The following COL4A2 variants were observed in gnomAD, a reference collection of about 807,000 sequenced individuals.
COL4A2 encodes collagen type IV alpha 2 chain.
A neutral mutation model predicts 200.2 loss-of-function variants in COL4A2; 99 were observed. The ratio of observed to expected loss-of-function variants is 0.49; its 90% CI spans 0.42 to 0.58. The LOEUF (loss-of-function observed/expected upper bound fraction) is 0.58. Among genes scored for constraint, COL4A2 ranks in the 20% least tolerant of loss-of-function variants. The pLI is 0.00. For missense variants in COL4A2, 1,950 were observed against 2,314.1 expected (o/e 0.84, Z 3.23); for synonymous variants, 897 against 900.6 (o/e 1.00, Z 0.07).
chr13:110,371,154 A>G (rs1053672130), intron 4 of COL4A2, among the ~76,000 whole-genome samples: 2 of 152,226 alleles, frequency 1.3e-5, no homozygotes, highest in African/African-American at 4.8e-5. Flanking sequence ...GCATTTATGG[A>G]GGACAAGGGT....
At chr13:110,505,955 C>T (rs1883847691) in intron 45 of COL4A2, among the ~76,000 whole-genome samples, 1 of 152,152 alleles carries the variant, frequency 6.6e-6, no homozygotes, top group African/African-American at 2.4e-5. Flanking sequence ...GCCCTCACTG[C>T]CATCATTTCA....
At chr13:110,385,351 C>A (rs112689415) in intron 4 of COL4A2, among the ~76,000 whole-genome samples, 4,695 of 152,236 alleles carry the variant, frequency 0.031, 237 homozygotes, top group African/African-American at 0.11. Flanking sequence ...AATCCTCATC[C>A]TGGACTTCTG....
chr13:110,452,771 A>G (rs1178815371), intron 20 of COL4A2, among the ~76,000 whole-genome samples: 2 of 151,604 alleles, frequency 1.3e-5, no homozygotes, highest in East Asian at 1.9e-4. Context: ...ATTTTATTTT[A>G]TTTTATTTTG....
At chr13:110,319,201 G>A (rs1885220119) in intron 3 of COL4A2, among the ~76,000 whole-genome samples, 1 of 152,144 alleles carries the variant, frequency 6.6e-6, no homozygotes, top group Non-Finnish European at 1.5e-5. Flanking sequence ...TGGCCGCTGA[G>A]TGAGAACTGG....
At chr13:110,349,298 C>G (rs557957011) in intron 3 of COL4A2, among the ~76,000 whole-genome samples, 1 of 152,144 alleles carries the variant, frequency 6.6e-6, no homozygotes, top group Non-Finnish European at 1.5e-5. Context: ...TTGAGATGGG[C>G]GATTCCTCAG....
intron 4 of COL4A2, among the ~76,000 whole-genome samples, chr13:110,401,039 C>G (rs961102155): frequency 6.6e-6 from 1 of 152,194 alleles, no homozygotes; most frequent in Non-Finnish European, 1.5e-5. Context: ...AACTTTTTTC[C>G]TAACCAGTGA....
chr13:110,347,964 G>A (rs1365828728), intron 3 of COL4A2, among the ~76,000 whole-genome samples: 3 of 152,250 alleles, frequency 2.0e-5, no homozygotes, highest in African/African-American at 7.2e-5. Context: ...GATGGGGAAT[G>A]ATCCCATTCC....
intron 3 of COL4A2, among the ~76,000 whole-genome samples, chr13:110,338,652 C>T (rs549228859): frequency 6.6e-6 from 1 of 152,358 alleles, no homozygotes; most frequent in Non-Finnish European, 1.5e-5. Flanking sequence ...GCAGCCAAGG[C>T]AATCCAGCCA....
At chr13:110,471,499 T>A (rs1323511266) in intron 28 of COL4A2, among the ~76,000 whole-genome samples, 3 of 152,130 alleles carry the variant, frequency 2.0e-5, no homozygotes, top group Admixed American at 2.0e-4. Flanking sequence ...ATTGCAAAAA[T>A]CAGAGAGTCT....
intron 36 of COL4A2, 27 bp downstream of exon 36, chr13:110,489,812 A>G (rs375960144): frequency 2.7e-4 from 430 of 1,593,628 alleles, no homozygotes; most frequent in Non-Finnish European, 3.4e-4. Flanking sequence ...CCTTGTCTTC[A>G]TCTTCAACAA....
At chr13:110,434,747 T>G (rs1880809447) in intron 12 of COL4A2, among the ~76,000 whole-genome samples, 2 of 152,258 alleles carry the variant, frequency 1.3e-5, no homozygotes, top group Admixed American at 1.3e-4. Context: ...GTGCATCTTC[T>G]CCTGTGTGGA....
intron 47 of COL4A2, among the ~76,000 whole-genome samples, chr13:110,511,178 CGTGCGCTTCCATA>C (rs1244483173): frequency 1.3e-5 from 2 of 151,218 alleles, no homozygotes; most frequent in African/African-American, 4.9e-5. Context: ...GGAGGCCTGC[CGTGCGCTTCCATA>C]AAGGCTAAAC....
chr13:110,510,477 T>G (rs1415423987), intron 47 of COL4A2, among the ~76,000 whole-genome samples: 1 of 149,234 alleles, frequency 6.7e-6, no homozygotes, highest in Non-Finnish European at 1.5e-5. Context: ...TCCAGGCAAT[T>G]CTCTTAAGAT....
intron 16 of COL4A2, among the ~76,000 whole-genome samples, chr13:110,444,378 G>A (rs1386519695): frequency 1.3e-5 from 2 of 152,222 alleles, no homozygotes; most frequent in African/African-American, 4.8e-5. Flanking sequence ...CCCACTGAGT[G>A]TCCAGCTGCC....
At chr13:110,465,628 T>A in intron 25 of COL4A2, 22 bp downstream of exon 25, 1 of 1,582,598 alleles carries the variant, frequency 6.3e-7, no homozygotes, top group Non-Finnish European at 8.6e-7. Flanking sequence ...TCCTCCCTTT[T>A]ACCTTTCACA....
chr13:110,437,052 A>T lies in COL4A2; in HGVS notation c.825+685A>T, dbSNP rs376272076. 6.2e-4 allele frequency among the ~76,000 whole-genome samples: 95 copies of T among 152,310 alleles called. 1 individual carries two copies. In the South Asian group the frequency reaches 0.015, roughly 24 times the overall value. On this transcript the variant is annotated intron_variant, in intron 13 of 47. Coordinates refer to ENST00000360467, the MANE Select transcript of COL4A2 (RefSeq NM_001846.4). ...ATGTCGGGCACGCAGAATATCTGGG[A>T]ACTAAAATAGAAACCCCAAACGGGG...
At chr13:110,418,298 AAT>A (rs1880122839) in intron 4 of COL4A2, among the ~76,000 whole-genome samples, 1 of 152,196 alleles carries the variant, frequency 6.6e-6, no homozygotes, top group African/African-American at 2.4e-5. Flanking sequence ...GTGTTTTGCA[AAT>A]ATGTCTCCCA....
At chr13:110,475,084 G>A (rs1427130358) in intron 29 of COL4A2, among the ~76,000 whole-genome samples, 1 of 152,216 alleles carries the variant, frequency 6.6e-6, no homozygotes, top group East Asian at 1.9e-4. Flanking sequence ...ATACACACAC[G>A]TGCCTATGCA....
At position 110,489,769 on chromosome 13, in the gene COL4A2, C is replaced by T. The variant is rs1369903153; in HGVS notation, c.3330C>T (p.Gly1110=). The change falls in exon 36 of 48, where the codon GGC becomes GGT. Residue 1110 remains glycine (G), a synonymous_variant. Transcript: ENST00000360467. ...GACCAGGCCTGAAGGGGGAGCGGGGCACCACTGGAATACCAGGTACGCAAG... is the reference window on the plus strand; with the variant it reads ...GACCAGGCCTGAAGGGGGAGCGGGGTACCACTGGAATACCAGGTACGCAAG... The part of the protein sequence containing the change: ...PGRPGLKGER[G]TTGIPGLKGF... The T allele has an allele frequency of 1.9e-6, 3 of 1,611,832 alleles. No homozygotes were observed. The highest frequency in any genetic ancestry group is 2.5e-6 in the Non-Finnish European group (3 of 1,179,318).
Sources: allele counts gnomAD v4.1 joint callset (sites outside exome capture counted in the v4.1 genomes callset), GRCh38; gene constraint gnomAD v4.1.1; transcripts MANE v1.5; gene names NCBI Gene and HGNC (gene_info 2026-07-23, HGNC 2026-07-21).